The following LUZP2 variants were observed in gnomAD, a reference collection of about 807,000 sequenced individuals.
LUZP2 encodes leucine zipper protein 2.
LUZP2 carries 52 observed loss-of-function variants against 51.6 expected under a neutral mutation model. The observed-to-expected ratio is 1.01, with a 90% CI of 0.81 to 1.27. The LOEUF is 1.27. Among genes scored for constraint, LUZP2 ranks in the 50% most tolerant of loss-of-function variants. The pLI is 0.00. For missense variants in LUZP2, 436 were observed against 395.4 expected (o/e 1.10, Z -0.87); for synonymous variants, 154 against 137.3 (o/e 1.12, Z -0.85).
chr11:24,697,936 C>T (rs1359397682), intron 1 of LUZP2, among the ~76,000 whole-genome samples: 2 of 152,198 alleles, frequency 1.3e-5, no homozygotes, highest in East Asian at 1.9e-4. Flanking sequence ...GGTCCTGTGA[C>T]CCCCACCCAG....
At chr11:24,998,873 A>G (rs1269725768) in intron 9 of LUZP2, among the ~76,000 whole-genome samples, 1 of 152,132 alleles carries the variant, frequency 6.6e-6, no homozygotes, top group Non-Finnish European at 1.5e-5. Flanking sequence ...CATGCAGTCG[A>G]TAACTAAAAA....
chr11:24,976,673 T>G lies in LUZP2; in HGVS notation c.597+8T>G, dbSNP rs750334066. 2.1e-6 allele frequency: 3 copies of G among 1,416,340 alleles called. No individual in the cohort carries two copies. The highest frequency in any genetic ancestry group is 2.8e-6 in the Non-Finnish European group (3 of 1,053,548). The allele number at this position is 1,416,340 out of a possible 1,614,324, so 87.7% of individuals were successfully genotyped here. On this transcript the variant is annotated splice_region_variant and intron_variant, in intron 8 of 11. Coordinates refer to ENST00000336930, the MANE Select transcript of LUZP2 (RefSeq NM_001009909.4). Reference sequence around the variant, plus strand: ...AAAGCAGCTCTTGACAGGGTAAGTCTACATTCATGAACCATTACAACTGTA... The same window carrying G: ...AAAGCAGCTCTTGACAGGGTAAGTCGACATTCATGAACCATTACAACTGTA...
chr11:24,932,438 C>T (rs1565127417), intron 7 of LUZP2, among the ~76,000 whole-genome samples: 1 of 152,092 alleles, frequency 6.6e-6, no homozygotes, highest in African/African-American at 2.4e-5. Flanking sequence ...AGGTTTAGGC[C>T]TGTTTGAGCT....
chr11:25,023,238 T>C (rs746849010), intron 9 of LUZP2, among the ~76,000 whole-genome samples: 6 of 152,186 alleles, frequency 3.9e-5, no homozygotes, highest in Non-Finnish European at 7.3e-5. Context: ...AGCTCCTCTT[T>C]GTACCTCTGG....
chr11:24,825,366 A>G (rs1205059152), intron 5 of LUZP2, among the ~76,000 whole-genome samples: 2 of 152,058 alleles, frequency 1.3e-5, no homozygotes, highest in African/African-American at 2.4e-5. Flanking sequence ...TGAAAACCCA[A>G]TCACTTTGTA....
rs187519255 is a variant in LUZP2, at chr11:24,717,977, C to T, written c.63-11192C>T. Among the ~76,000 whole-genome samples, 195 of 152,198 alleles carry T rather than the reference C, an allele frequency of 1.3e-3. 2 individuals are homozygous for T. Among genetic ancestry groups the T allele is most frequent in the Middle Eastern group, 6.8e-3 (2 of 294 alleles). ...CTACGGTGTTTTTGTACCACACTTTCGTTATCCAATCTGTCATAATGTAGT... is the reference window on the plus strand; with the variant it reads ...CTACGGTGTTTTTGTACCACACTTTTGTTATCCAATCTGTCATAATGTAGT... On this transcript the variant is annotated intron_variant, in intron 1 of 11. Coordinates refer to ENST00000336930, the MANE Select transcript of LUZP2 (RefSeq NM_001009909.4).
chr11:25,057,142 A>T (rs1193064997), intron 10 of LUZP2, among the ~76,000 whole-genome samples: 4 of 152,160 alleles, frequency 2.6e-5, no homozygotes, highest in African/African-American at 9.6e-5. Context: ...TAAATATGTC[A>T]CATTCAACCA....
rs1396504028 is a variant in LUZP2 at position 24,983,305 on chromosome 11, T to C, written c.765+12T>C. The C allele has an allele frequency of 3.7e-6, 6 of 1,609,426 alleles. No homozygotes were observed. The highest frequency in any genetic ancestry group is 5.1e-6 in the Non-Finnish European group (6 of 1,177,468). On this transcript the variant is annotated intron_variant, in intron 9 of 11. Transcript: ENST00000336930. ...CGGCCAAAAGCAAGGTACCTACCTT[T>C]TATTTGCGCTTTGTAAAGTAACAGC...
chr11:25,072,090 G>A (rs979671221), intron 10 of LUZP2, among the ~76,000 whole-genome samples: 1 of 151,996 alleles, frequency 6.6e-6, no homozygotes, highest in Admixed American at 6.6e-5. Context: ...CAAGGATATT[G>A]CAGAACTTCC....
At chr11:24,500,317 C>CA (rs951031930) in intron 1 of LUZP2, among the ~76,000 whole-genome samples, 26 of 151,412 alleles carry the variant, frequency 1.7e-4, no homozygotes, top group East Asian at 3.9e-4. Flanking sequence ...TATAAATTAC[C>CA]AAAAAAAATC....
At chr11:24,840,316 T>G (rs1850989053) in intron 5 of LUZP2, among the ~76,000 whole-genome samples, 1 of 151,870 alleles carries the variant, frequency 6.6e-6, no homozygotes. Flanking sequence ...AGAAATACAC[T>G]AGAAAGAGGC....
intron 1 of LUZP2, among the ~76,000 whole-genome samples, chr11:24,532,156 A>G (rs914002013): frequency 1.3e-5 from 2 of 150,614 alleles, no homozygotes; most frequent in Non-Finnish European, 3.0e-5. Flanking sequence ...TTTGTGTACC[A>G]CCCCTTCTTC....
chr11:24,905,897 T>A lies in LUZP2; in HGVS notation c.397-94T>A, dbSNP rs976513412. The A allele has an allele frequency of 3.7e-6, 3 of 819,634 alleles. No homozygotes were observed. In the African/African-American group the frequency reaches 5.1e-5, roughly 14 times the overall value. The allele number at this position is 819,634 out of a possible 1,614,324, so 50.8% of individuals were successfully genotyped here. ...ATTTTACATCATGAAGGTCTAATTT[T>A]TGAACAGAACATAAAGCAATAATGT... On this transcript the variant is annotated intron_variant, in intron 5 of 11. Transcript: ENST00000336930.
intron 9 of LUZP2, among the ~76,000 whole-genome samples, chr11:25,044,211 A>G (rs1329967729): frequency 2.0e-4 from 25 of 122,170 alleles, no homozygotes; most frequent in African/African-American, 6.5e-4. Context: ...ATGTATGTGT[A>G]TATATATATG....
In LUZP2 at chr11:24,732,127, A is replaced by C. The variant is rs1048359436; in HGVS notation, c.190A>C (p.Asn64His). 11 of 1,608,192 alleles carry C rather than the reference A, an allele frequency of 6.8e-6. No individual in the cohort carries two copies. Among genetic ancestry groups the C allele is most frequent in the Non-Finnish European group, 9.4e-6 (11 of 1,176,470 alleles). ...GIKVNLQSLKNDEQSAKTDVQ... is the reference protein window; with the variant it reads ...GIKVNLQSLKHDEQSAKTDVQ... ...CCACTTTTCTTATCAGTCCTTAAAA[A>C]ACGATGAGCAGTCTGCCAAAACTGA... The change falls in exon 3 of 12, where the codon AAC becomes CAC. Residue 64 changes from asparagine to histidine, a missense_variant. Coordinates refer to ENST00000336930, the MANE Select transcript of LUZP2 (RefSeq NM_001009909.4).
intron 1 of LUZP2, among the ~76,000 whole-genome samples, chr11:24,725,297 T>C (rs1033112623): frequency 6.6e-6 from 1 of 152,040 alleles, no homozygotes; most frequent in African/African-American, 2.4e-5. Flanking sequence ...AAAAAAAAAT[T>C]TGTTACATCA....
intron 1 of LUZP2, among the ~76,000 whole-genome samples, chr11:24,708,454 G>C (rs1303872531): frequency 6.6e-6 from 1 of 152,060 alleles, no homozygotes; most frequent in African/African-American, 2.4e-5. Flanking sequence ...AATGCCTCTT[G>C]TATATCATTA....
intron 1 of LUZP2, among the ~76,000 whole-genome samples, chr11:24,571,458 AT>A (rs1204284861): frequency 6.6e-6 from 1 of 152,052 alleles, no homozygotes; most frequent in African/African-American, 2.4e-5. Context: ...TGTGTTTCTC[AT>A]AGCAACTAAA....
intron 1 of LUZP2, among the ~76,000 whole-genome samples, chr11:24,636,687 C>T (rs1023596092): frequency 2.6e-5 from 4 of 152,228 alleles, no homozygotes; most frequent in African/African-American, 9.6e-5. Context: ...ACAATCTTCA[C>T]TTGCCTGGCA....
Sources: gnomAD v4.1 joint callset for allele counts (sites outside exome capture counted in the v4.1 genomes callset) on GRCh38, gnomAD v4.1.1 for gene constraint, MANE v1.5 for transcripts, NCBI Gene and HGNC (gene_info 2026-07-23, HGNC 2026-07-21) for gene names.